MAGI2: variants seen among roughly 807,000 people sequenced by gnomAD.
MAGI2 encodes the protein membrane-associated guanylate kinase, WW and PDZ domain-containing protein 2.
In MAGI2, 35 loss-of-function variants were observed where a neutral mutation model predicts 133.3. The ratio of observed to expected loss-of-function variants is 0.26; its 90% CI spans 0.20 to 0.35. The LOEUF (loss-of-function observed/expected upper bound fraction) is 0.35. MAGI2 is among the 10% of genes least tolerant of loss of function. MAGI2 has a pLI of 1.00. For synonymous variants in MAGI2, 729 were observed against 710.6 expected, an observed-to-expected ratio of 1.03 and a Z score of -0.41; for missense variants, 1,636 against 1,863.4, an observed-to-expected ratio of 0.88 and a Z score of 2.25.
At chr7:78,554,500 G>T (rs1799617109) in intron 3 of MAGI2, 1 of 152,168 alleles carries the variant, frequency 6.6e-6, no homozygotes, top group Admixed American at 6.5e-5. Context: ...TGGGATTCAG[G>T]ACACATTACC....
intron 6 of MAGI2, among the ~76,000 whole-genome samples, chr7:78,452,340 G>T (rs1205964544): frequency 1.3e-5 from 2 of 151,968 alleles, no homozygotes; most frequent in African/African-American, 4.8e-5. Context: ...AATAACCGGG[G>T]AAGTGATAGT....
At chr7:78,867,336 T>G (rs1794643723) in intron 2 of MAGI2, among the ~76,000 whole-genome samples, 1 of 149,356 alleles carries the variant, frequency 6.7e-6, no homozygotes, top group Admixed American at 6.7e-5. Flanking sequence ...GTGGCACATA[T>G]ACACCATGGA....
intron 6 of MAGI2, among the ~76,000 whole-genome samples, chr7:78,475,946 A>G (rs1459414244): frequency 1.3e-5 from 2 of 151,840 alleles, no homozygotes; most frequent in Non-Finnish European, 2.9e-5. Flanking sequence ...TTTTCATTTC[A>G]TTCTTGTTCG....
chr7:78,102,766 G>A (rs970237245), intron 20 of MAGI2, among the ~76,000 whole-genome samples: 6 of 152,330 alleles, frequency 3.9e-5, no homozygotes, highest in Admixed American at 1.3e-4. Context: ...TTAAGCAGTG[G>A]AAAGTCTTTT....
chr7:78,300,701 G>T (rs186029639), intron 9 of MAGI2, among the ~76,000 whole-genome samples: 62 of 152,330 alleles, frequency 4.1e-4, no homozygotes, highest in African/African-American at 1.4e-3. Flanking sequence ...GGAAAGAACT[G>T]ATTCCCCAGG....
intron 2 of MAGI2, among the ~76,000 whole-genome samples, chr7:78,944,707 CTATTTATTTATTTATT>C (rs56177719): frequency 1.4e-5 from 2 of 147,478 alleles, no homozygotes; most frequent in Non-Finnish European, 3.0e-5. Context: ...AAATAGACTA[CTATTTATTTATTTATT>C]TATTTATTTA....
intron 9 of MAGI2, among the ~76,000 whole-genome samples, chr7:78,312,918 T>C (rs1469660559): frequency 2.7e-5 from 4 of 150,640 alleles, no homozygotes; most frequent in African/African-American, 9.7e-5. Flanking sequence ...AAAAGATATC[T>C]GCATATATAT....
chr7:79,379,906 C>G (rs960430855), intron 1 of MAGI2, among the ~76,000 whole-genome samples: 1 of 151,062 alleles, frequency 6.6e-6, no homozygotes, highest in Admixed American at 6.6e-5. Flanking sequence ...AAAGGATTCC[C>G]TATTTAATAA....
intron 2 of MAGI2, among the ~76,000 whole-genome samples, chr7:78,694,360 G>A (rs558610032): frequency 2.1e-4 from 32 of 152,222 alleles, no homozygotes; most frequent in Non-Finnish European, 3.4e-4. Flanking sequence ...TTTAAACCAG[G>A]TGGAATCCTA....
intron 1 of MAGI2, among the ~76,000 whole-genome samples, chr7:79,448,567 TA>T (rs1849020489): frequency 6.6e-6 from 1 of 152,102 alleles, no homozygotes; most frequent in Non-Finnish European, 1.5e-5. Context: ...ATCTTGTACA[TA>T]TAGCTAGCAC....
At chr7:78,812,393 G>A (rs1448570431) in intron 2 of MAGI2, among the ~76,000 whole-genome samples, 1 of 152,132 alleles carries the variant, frequency 6.6e-6, no homozygotes, top group Non-Finnish European at 1.5e-5. Flanking sequence ...TAGTTCAGAG[G>A]TTGAAGCTTC....
chr7:78,639,685 A>G (rs544618370), intron 2 of MAGI2, among the ~76,000 whole-genome samples: 17 of 152,308 alleles, frequency 1.1e-4, no homozygotes, highest in African/African-American at 3.8e-4. Flanking sequence ...GCTATAGCTG[A>G]CAGCCCCTTA....
intron 20 of MAGI2, 89 bp downstream of exon 20, chr7:78,125,605 G>A (rs529638011): frequency 1.9e-5 from 27 of 1,404,312 alleles, no homozygotes; most frequent in Admixed American, 6.0e-5. Context: ...CAGCAACCCC[G>A]CTTGACAGCA....
At chr7:79,096,941 A>C (rs1817569525) in intron 1 of MAGI2, among the ~76,000 whole-genome samples, 1 of 152,194 alleles carries the variant, frequency 6.6e-6, no homozygotes, top group South Asian at 2.1e-4. Context: ...AATTTTCTGT[A>C]AATGTTATTC....
chr7:78,915,554 A>AT (rs1290533603), intron 2 of MAGI2, among the ~76,000 whole-genome samples: 1 of 152,010 alleles, frequency 6.6e-6, no homozygotes, highest in Admixed American at 6.6e-5. Context: ...CTAGGTATAA[A>AT]TTTTTTTCAA....
At chr7:79,353,330 T>G (rs1244374805) in intron 1 of MAGI2, 1 of 394,864 alleles carries the variant, frequency 2.5e-6, no homozygotes, top group East Asian at 7.2e-5. Flanking sequence ...GAGCTGACAC[T>G]GTCTGTGACC....
chr7:78,640,295 CAA>C (rs1035600548), intron 2 of MAGI2, among the ~76,000 whole-genome samples: 1 of 134,282 alleles, frequency 7.4e-6, no homozygotes, highest in Non-Finnish European at 1.8e-5. Context: ...AATAAAAAAA[CAA>C]AAAACAAAAA....
Position 79,430,892 on chromosome 7 carries a change from CAA to C in MAGI2, c.301+22126_301+22127del. 2.0e-5 allele frequency among the ~76,000 whole-genome samples: 3 copies of C among 152,216 alleles called. No individual in the cohort carries two copies. In the East Asian group the frequency reaches 5.8e-4, roughly 29 times the overall value. ...ACACTTGGGTTTTCGTCTGCAATGCCAAAGAAGACCAAAATCAATATCAAATT... is the reference window on the plus strand; with the variant it reads ...ACACTTGGGTTTTCGTCTGCAATGCCAGAAGACCAAAATCAATATCAAATT... On this transcript the variant is annotated intron_variant, in intron 1 of 21. Transcript: ENST00000354212.
At chr7:78,799,986 T>G (rs62467661) in intron 2 of MAGI2, among the ~76,000 whole-genome samples, 1 of 152,162 alleles carries the variant, frequency 6.6e-6, no homozygotes, top group African/African-American at 2.4e-5. Context: ...AAATAGATCT[T>G]CCATTACACA....
Sources: gnomAD v4.1 joint callset for allele counts (sites outside exome capture counted in the v4.1 genomes callset) on GRCh38, gnomAD v4.1.1 for gene constraint, MANE v1.5 for transcripts, NCBI Gene and HGNC (gene_info 2026-07-23, HGNC 2026-07-21) for gene names.